RHBDL3: variants seen among roughly 807,000 people sequenced by gnomAD.
RHBDL3 encodes rhomboid like 3.
In RHBDL3, 28 loss-of-function variants were observed where a neutral mutation model predicts 48.2. The ratio of observed to expected loss-of-function variants is 0.58; its 90% CI spans 0.43 to 0.80. RHBDL3 has a LOEUF of 0.80. Among genes scored for constraint, RHBDL3 ranks in the 30% least tolerant of loss-of-function variants. The pLI, the probability that RHBDL3 is intolerant of heterozygous loss-of-function variation, is 0.00. For missense variants in RHBDL3, 464 were observed against 542.7 expected, an observed-to-expected ratio of 0.85 and a Z score of 1.44; for synonymous variants, 208 against 232.3, an observed-to-expected ratio of 0.90 and a Z score of 0.95.
At chr17:32,290,450 T>C (rs1383115584) in intron 4 of RHBDL3, among the ~76,000 whole-genome samples, 1 of 152,146 alleles carries the variant, frequency 6.6e-6, no homozygotes, top group African/African-American at 2.4e-5. Context: ...GAACCACCAA[T>C]CTAGAAGAAA....
At chr17:32,313,437 C>T (rs1010407210) in intron 7 of RHBDL3, among the ~76,000 whole-genome samples, 18 of 152,188 alleles carry the variant, frequency 1.2e-4, no homozygotes, top group Non-Finnish European at 1.9e-4. Context: ...TATACAGTTA[C>T]ATTTTAAATG....
chr17:32,302,379 C>T (rs867106630), intron 6 of RHBDL3, among the ~76,000 whole-genome samples: 3 of 151,836 alleles, frequency 2.0e-5, no homozygotes, highest in Middle Eastern at 3.2e-3. Flanking sequence ...TTTTTTGAGA[C>T]GAAGTCTTGC....
intron 8 of RHBDL3, among the ~76,000 whole-genome samples, chr17:32,318,199 C>A (rs569134131): frequency 1.4e-4 from 21 of 151,358 alleles, no homozygotes; most frequent in South Asian, 4.2e-4. Flanking sequence ...CACACACACA[C>A]AAAAATTAAA....
At chr17:32,273,294 G>GGTCTTGAATCGAAGTGTTCAGAGC (rs2039818561) in intron 2 of RHBDL3, among the ~76,000 whole-genome samples, 1 of 152,106 alleles carries the variant, frequency 6.6e-6, no homozygotes, top group African/African-American at 2.4e-5. Flanking sequence ...GAGCCACCGC[G>GGTCTTGAATCGAAGTGTTCAGAGC]CCCAGCCCAG....
chr17:32,284,848 G>A (rs2040156752), intron 3 of RHBDL3, 31 bp downstream of exon 3: 1 of 1,600,400 alleles, frequency 6.2e-7, no homozygotes, highest in Non-Finnish European at 8.6e-7. Flanking sequence ...GGTACTCGGG[G>A]GGACCTGTTT....
intron 6 of RHBDL3, among the ~76,000 whole-genome samples, chr17:32,299,622 A>G (rs960603248): frequency 6.6e-5 from 10 of 152,242 alleles, no homozygotes; most frequent in Admixed American, 2.6e-4. Flanking sequence ...TTAGATGGGA[A>G]TGCCAATAAC....
intron 3 of RHBDL3, 80 bp downstream of exon 3, chr17:32,284,897 A>T: frequency 7.8e-7 from 1 of 1,274,484 alleles, no homozygotes; most frequent in South Asian, 1.3e-5. Context: ...GATTTAGGCA[A>T]TTCAAAGGAT....
At position 32,267,439 on chromosome 17, in the gene RHBDL3, A is replaced by AGGGGGGG. The variant is rs147012572; in HGVS notation, c.112-461_112-455dup. On this transcript the variant is annotated intron_variant, in intron 1 of 8. Coordinates refer to ENST00000269051, the MANE Select transcript of RHBDL3 (RefSeq NM_138328.3). ...CAGAGGTGAGTTCTCCTGGGGGGGGAGGGGGGGGCTCTAGCTCCCAGCAGG... is the reference window on the plus strand; with the variant it reads ...CAGAGGTGAGTTCTCCTGGGGGGGGAGGGGGGGGGGGGGGGCTCTAGCTCCCAGCAGG... 3.0e-5 allele frequency among the ~76,000 whole-genome samples: 4 copies of AGGGGGGG among 135,440 alleles called. 1 individual carries two copies. Among genetic ancestry groups the AGGGGGGG allele is most frequent in the African/African-American group, 1.2e-4 (4 of 33,134 alleles). The allele number at this position is 135,440 out of a possible 152,430, so 88.9% of individuals were successfully genotyped here.
chr17:32,315,413 A>G (rs2040947118), intron 7 of RHBDL3, among the ~76,000 whole-genome samples: 1 of 152,202 alleles, frequency 6.6e-6, no homozygotes, highest in Non-Finnish European at 1.5e-5. Context: ...GTAAAGTGAA[A>G]AGTCCTTTTG....
In RHBDL3 at chr17:32,318,464, AAAAC is replaced by A. The variant is rs999478612; in HGVS notation, c.943+2184_943+2187del. 2.1e-3 allele frequency among the ~76,000 whole-genome samples: 55 copies of A among 26,534 alleles called. 15 individuals are homozygous for A. Among genetic ancestry groups the A allele is most frequent in the Non-Finnish European group, 3.9e-3 (46 of 11,780 alleles). 17.4% of individuals were successfully genotyped at this position (26,534 alleles called of 152,430 possible). A position where few individuals can be genotyped will look rare whatever the true frequency, so the allele number is the denominator to read the frequency against. The stretch of plus-strand genomic sequence containing the variant: ...CCAGCCTGACCAACATGCTGAAACA[AAAAC>A]AAACAAACAAAAAAACCAATGAGGA... On this transcript the variant is annotated intron_variant, in intron 8 of 8. Coordinates refer to ENST00000269051, the MANE Select transcript of RHBDL3 (RefSeq NM_138328.3).
intron 2 of RHBDL3, among the ~76,000 whole-genome samples, chr17:32,281,830 C>A (rs1480261542): frequency 6.6e-6 from 1 of 152,218 alleles, no homozygotes; most frequent in Non-Finnish European, 1.5e-5. Context: ...TGGGCCCACA[C>A]TCACCTATTT....
chr17:32,315,753 G>A (rs1230383997), intron 7 of RHBDL3, among the ~76,000 whole-genome samples: 2 of 151,644 alleles, frequency 1.3e-5, no homozygotes, highest in Non-Finnish European at 1.5e-5. Flanking sequence ...TCCTTGTGTT[G>A]ACTCATTTGA....
intron 1 of RHBDL3, chr17:32,267,605 T>C (rs1156806122): frequency 4.3e-6 from 1 of 233,828 alleles, no homozygotes; most frequent in African/African-American, 2.3e-5. Context: ...ATTTAGTAAT[T>C]GTTGAGAATC....
chr17:32,322,292 C>T lies in RHBDL3; in HGVS notation c.*1063C>T, dbSNP rs2041153920. The stretch of plus-strand genomic sequence containing the variant: ...CTGAATGTCCTTGCTTTGACAAAGC[C>T]TGCCCCCTTCCTTCCCATCTCCTGT... On this transcript the variant is annotated 3_prime_UTR_variant, in exon 9 of 9. Coordinates refer to ENST00000269051, the MANE Select transcript of RHBDL3 (RefSeq NM_138328.3). The T allele has an allele frequency of 1.3e-5, 2 of 152,492 alleles. No homozygotes were observed. The highest frequency in any genetic ancestry group is 2.9e-5 in the Non-Finnish European group (2 of 68,242). The allele number at this position is 152,492 out of a possible 1,614,324, so 9.4% of individuals were successfully genotyped here.
Position 32,322,072 on chromosome 17 carries a change from T to G in RHBDL3, c.*843T>G, listed in dbSNP as rs1428530482. The G allele has an allele frequency of 6.5e-6, 1 of 153,202 alleles. No individual in the cohort carries two copies. The highest frequency in any genetic ancestry group is 1.5e-5 in the Non-Finnish European group (1 of 68,826). 9.5% of individuals were successfully genotyped at this position (153,202 alleles called of 1,614,324 possible). A position where few individuals can be genotyped will look rare whatever the true frequency, so the allele number is the denominator to read the frequency against. On this transcript the variant is annotated 3_prime_UTR_variant, in exon 9 of 9. Transcript: ENST00000269051. ...TTCTTTCCTTTTGCTGCCCTGACAC[T>G]ACTTTGTGCCTCTCTTTGGTTATGG...
intron 8 of RHBDL3, among the ~76,000 whole-genome samples, chr17:32,316,977 T>C (rs1386878866): frequency 6.6e-6 from 1 of 152,010 alleles, no homozygotes; most frequent in Admixed American, 6.6e-5. Context: ...GTTCAAGTGA[T>C]TCTCCTGTCT....
chr17:32,290,869 T>C (rs1252794957), intron 4 of RHBDL3, among the ~76,000 whole-genome samples: 1 of 151,924 alleles, frequency 6.6e-6, no homozygotes, highest in Non-Finnish European at 1.5e-5. Flanking sequence ...GGCATGGTGG[T>C]ACATGCCTGT....
chr17:32,315,668 C>A (rs1471382860), intron 7 of RHBDL3, among the ~76,000 whole-genome samples: 1 of 151,888 alleles, frequency 6.6e-6, no homozygotes, highest in Non-Finnish European at 1.5e-5. Context: ...TTACTCTGAG[C>A]TAAAAAGTCT....
intron 3 of RHBDL3, among the ~76,000 whole-genome samples, chr17:32,286,166 A>G (rs1461495707): frequency 6.6e-6 from 1 of 152,168 alleles, no homozygotes; most frequent in Non-Finnish European, 1.5e-5. Flanking sequence ...GAGCCTGCCC[A>G]GGCTCATCCA....
Sources: allele counts gnomAD v4.1 joint callset (sites outside exome capture counted in the v4.1 genomes callset), GRCh38; gene constraint gnomAD v4.1.1; transcripts MANE v1.5; gene names NCBI Gene and HGNC (gene_info 2026-07-23, HGNC 2026-07-21).